The following ZCWPW2 variants were observed in gnomAD, a reference collection of about 807,000 sequenced individuals.
ZCWPW2 encodes the protein zinc finger CW-type PWWP domain protein 2.
ZCWPW2 carries 45 observed loss-of-function variants against 46.6 expected under a neutral mutation model. That is an observed-to-expected ratio of 0.96 (90% CI 0.76 to 1.24). The LOEUF (loss-of-function observed/expected upper bound fraction) is 1.24. Ranked by LOEUF, ZCWPW2 falls within the 50% of genes most tolerant of loss-of-function variation. The pLI is 0.00. For synonymous variants in ZCWPW2, 152 were observed against 137.1 expected (o/e 1.11, Z -0.76); for missense variants, 429 against 403.9 (o/e 1.06, Z -0.53).
At chr3:28,424,887 A>G (rs952777381) in intron 3 of ZCWPW2, among the ~76,000 whole-genome samples, 3 of 152,222 alleles carry the variant, frequency 2.0e-5, no homozygotes, top group South Asian at 4.1e-4. Flanking sequence ...ATTTTAAAAG[A>G]CATGAATATG....
intron 4 of ZCWPW2, among the ~76,000 whole-genome samples, chr3:28,469,857 A>G (rs571896975): frequency 2.6e-4 from 39 of 152,282 alleles, no homozygotes; most frequent in Non-Finnish European, 3.8e-4. Flanking sequence ...CACTTTCAGC[A>G]TTGGATAGAT....
Position 28,413,065 on chromosome 3 carries a change from C to CT in ZCWPW2, c.-2dup, listed in dbSNP as rs576084230. 815 of 1,602,964 alleles carry CT rather than the reference C, an allele frequency of 5.1e-4. 6 individuals carry two copies. In the African/African-American group the frequency reaches 8.6e-3, roughly 17 times the overall value. Reference sequence around the variant, plus strand: ...CTTTCTTATTTTCCAGATTAAATGCCTTAATGGATAAAGAAAAATTGGATG... The same window carrying CT: ...CTTTCTTATTTTCCAGATTAAATGCCTTTAATGGATAAAGAAAAATTGGATG... On this transcript the variant is annotated 5_prime_UTR_variant, in exon 3 of 10. Transcript: ENST00000383768.
chr3:28,451,210 T>C (rs1384557032), intron 4 of ZCWPW2, among the ~76,000 whole-genome samples: 3 of 152,202 alleles, frequency 2.0e-5, no homozygotes, highest in African/African-American at 7.2e-5. Flanking sequence ...TGAGTCTATA[T>C]ATGTAGGCTA....
chr3:28,450,218 TG>T (rs912931826), intron 4 of ZCWPW2, among the ~76,000 whole-genome samples: 1 of 152,196 alleles, frequency 6.6e-6, no homozygotes, highest in African/African-American at 2.4e-5. Flanking sequence ...AGTCTAACTT[TG>T]GTTATGGTTT....
At chr3:28,398,229 C>T (rs138636839) in intron 2 of ZCWPW2, 1 of 152,120 alleles carries the variant, frequency 6.6e-6, no homozygotes, top group African/African-American at 2.4e-5. Flanking sequence ...GGTGAAGAGT[C>T]GAGGTAAAAA....
rs1439482944 is a variant in ZCWPW2 at position 28,421,133 on chromosome 3, A to AG, written c.332+7735dup. 2.6e-5 allele frequency among the ~76,000 whole-genome samples: 4 copies of AG among 152,142 alleles called. No homozygotes were observed. In the East Asian group the frequency reaches 5.8e-4, roughly 22 times the overall value. ...TACTCCCACATGGGAGTAAGAGTCAAGGTTCCCCACTCAGCTTCTATTGAT... is the reference window on the plus strand; with the variant it reads ...TACTCCCACATGGGAGTAAGAGTCAAGGGTTCCCCACTCAGCTTCTATTGAT... On this transcript the variant is annotated intron_variant, in intron 3 of 9. Coordinates refer to ENST00000383768, the MANE Select transcript of ZCWPW2 (RefSeq NM_001040432.4).
chr3:28,371,610 G>A (rs1485597447), intron 1 of ZCWPW2, among the ~76,000 whole-genome samples: 1 of 152,124 alleles, frequency 6.6e-6, no homozygotes, highest in Non-Finnish European at 1.5e-5. Context: ...AGGGAGCTAT[G>A]ATTGTGCCAC....
chr3:28,460,464 T>C (rs923302037), intron 4 of ZCWPW2, among the ~76,000 whole-genome samples: 2 of 152,190 alleles, frequency 1.3e-5, no homozygotes, highest in Non-Finnish European at 2.9e-5. Flanking sequence ...GAATAAGCTG[T>C]CTAAATAAAC....
At chr3:28,518,525 T>A in intron 8 of ZCWPW2, among the ~76,000 whole-genome samples, 1 of 152,174 alleles carries the variant, frequency 6.6e-6, no homozygotes, top group East Asian at 1.9e-4. Flanking sequence ...CTGACAGCAG[T>A]CAGGTTGGTG....
At chr3:28,436,323 C>CTTTTTTTTTTTTTTTTTTTTTTTTTT (rs71087698) in intron 4 of ZCWPW2, among the ~76,000 whole-genome samples, 3 of 116,838 alleles carry the variant, frequency 2.6e-5, no homozygotes, top group African/African-American at 6.6e-5. Context: ...TCTTTTTTTT[C>CTTTTTTTTTTTTTTTTTTTTTTTTTT]TTTTTTTTTT....
chr3:28,442,976 A>G (rs1575140774), intron 4 of ZCWPW2, among the ~76,000 whole-genome samples: 4 of 152,036 alleles, frequency 2.6e-5, no homozygotes, highest in Admixed American at 2.6e-4. Context: ...AATAGCCCTC[A>G]CCTTACCAGT....
chr3:28,352,619 G>A (rs1704594388), intron 1 of ZCWPW2, among the ~76,000 whole-genome samples: 1 of 151,920 alleles, frequency 6.6e-6, no homozygotes, highest in South Asian at 2.1e-4. Context: ...CTTATCAGTT[G>A]ATCATTAAAA....
At chr3:28,367,821 G>T (rs187794511) in intron 1 of ZCWPW2, among the ~76,000 whole-genome samples, 2 of 152,100 alleles carry the variant, frequency 1.3e-5, no homozygotes, top group African/African-American at 2.4e-5. Flanking sequence ...TTATGAATCT[G>T]GGTGCTCCTG....
chr3:28,476,475 G>A (rs980279539), intron 4 of ZCWPW2, among the ~76,000 whole-genome samples: 1 of 151,972 alleles, frequency 6.6e-6, no homozygotes, highest in Non-Finnish European at 1.5e-5. Flanking sequence ...AGTCATCAAA[G>A]TTTATTTTAG....
intron 1 of ZCWPW2, among the ~76,000 whole-genome samples, chr3:28,381,602 A>G (rs1447142033): frequency 6.6e-6 from 1 of 152,122 alleles, no homozygotes; most frequent in Admixed American, 6.5e-5. Context: ...CCTGGGTGAC[A>G]CAGTGAGACT....
At chr3:28,491,596 G>A (rs1575202389) in intron 5 of ZCWPW2, among the ~76,000 whole-genome samples, 1 of 151,998 alleles carries the variant, frequency 6.6e-6, no homozygotes, top group South Asian at 2.1e-4. Context: ...AAAAATTAGA[G>A]GCTTGCGATC....
At chr3:28,508,903 AT>A (rs941159365) in intron 6 of ZCWPW2, among the ~76,000 whole-genome samples, 11 of 151,324 alleles carry the variant, frequency 7.3e-5, no homozygotes, top group South Asian at 2.1e-4. Context: ...CATACAGTTC[AT>A]TTTTTTTTAA....
intron 3 of ZCWPW2, among the ~76,000 whole-genome samples, chr3:28,416,916 G>T (rs1419190358): frequency 7.0e-6 from 1 of 142,196 alleles, no homozygotes; most frequent in Non-Finnish European, 1.5e-5. Flanking sequence ...GATTCGGTTT[G>T]CCAGTATTTT....
At chr3:28,422,337 G>A (rs958798416) in intron 3 of ZCWPW2, among the ~76,000 whole-genome samples, 3 of 152,078 alleles carry the variant, frequency 2.0e-5, no homozygotes, top group Non-Finnish European at 4.4e-5. Context: ...ATACAGAATA[G>A]TTATATTGGC....
Sources: allele counts gnomAD v4.1 joint callset (sites outside exome capture counted in the v4.1 genomes callset), GRCh38; gene constraint gnomAD v4.1.1; transcripts MANE v1.5; gene names NCBI Gene and HGNC (gene_info 2026-07-23, HGNC 2026-07-21).